The following PIGU variants were observed in gnomAD, a reference collection of about 807,000 sequenced individuals.
The protein encoded by PIGU is phosphatidylinositol glycan anchor biosynthesis class U, also known as GPI-anchor transamidase component PIGU.
In PIGU, 24 loss-of-function variants were observed where a neutral mutation model predicts 49.9. That is an observed-to-expected ratio of 0.48 (90% CI 0.35 to 0.68). PIGU has a LOEUF of 0.68. PIGU is among the 30% of genes least tolerant of loss of function. The pLI is 0.01. For synonymous variants in PIGU, 220 were observed against 205.7 expected (o/e 1.07, Z -0.59); for missense variants, 490 against 532.6 (o/e 0.92, Z 0.79).
chr20:34,561,079 C>T, intron 11 of PIGU, 100 bp from the exon 12 acceptor site: 1 of 777,168 alleles, frequency 1.3e-6, no homozygotes, highest in Non-Finnish European at 2.1e-6. Context: ...AGGAACGCCC[C>T]TGCCTGGCTC....
intron 1 of PIGU, among the ~76,000 whole-genome samples, chr20:34,676,301 G>C (rs1424148587): frequency 1.3e-5 from 2 of 152,144 alleles, no homozygotes; most frequent in African/African-American, 4.8e-5. Flanking sequence ...GAACTGGGTG[G>C]ACACATAAAG....
At chr20:34,668,461 CAAAAAAAA>C (rs1209882512) in intron 1 of PIGU, among the ~76,000 whole-genome samples, 1 of 21,276 alleles carries the variant, frequency 4.7e-5, no homozygotes, top group Non-Finnish European at 7.9e-5. Context: ...GACTCCGTCT[CAAAAAAAA>C]AAAAAAAAAA....
At chr20:34,566,219 T>A (rs554990446) in intron 11 of PIGU, among the ~76,000 whole-genome samples, 1 of 152,228 alleles carries the variant, frequency 6.6e-6, no homozygotes, top group Non-Finnish European at 1.5e-5. Flanking sequence ...TCTCTAACCC[T>A]GCATTGTTAC....
chr20:34,583,455 A>G (rs1983566952), intron 9 of PIGU, among the ~76,000 whole-genome samples: 1 of 152,236 alleles, frequency 6.6e-6, no homozygotes, highest in South Asian at 2.1e-4. Context: ...GTAGAGCTTC[A>G]TACCCAGGCA....
intron 1 of PIGU, 146 bp downstream of exon 1, chr20:34,676,810 G>C: frequency 6.3e-6 from 3 of 474,156 alleles, no homozygotes; most frequent in Non-Finnish European, 9.8e-6. Context: ...CCCGCCCTCA[G>C]GCCCCGCCCT....
At chr20:34,610,008 T>C (rs1236961902) in intron 7 of PIGU, among the ~76,000 whole-genome samples, 1 of 152,196 alleles carries the variant, frequency 6.6e-6, no homozygotes, top group East Asian at 1.9e-4. Context: ...CCTTCGGCTA[T>C]ATTTGTAAGT....
chr20:34,575,314 C>T lies in PIGU; in HGVS notation c.1052-68G>A, dbSNP rs536613908. The T allele has an allele frequency of 5.1e-3, 7,883 of 1,554,530 alleles. 33 individuals carry two copies. The highest frequency in any genetic ancestry group is 5.7e-3 in the Non-Finnish European group (6,511 of 1,143,784). On this transcript the variant is annotated intron_variant, in intron 10 of 11. Coordinates refer to ENST00000217446, the MANE Select transcript of PIGU (RefSeq NM_080476.5). ...TGGCATGCTTTCCCTGCTGCAATGG[C>T]CCCCCTGAATGGAGAGGCCCAAGGT... is the stretch of plus-strand genomic sequence containing the variant.
At chr20:34,668,880 T>A (rs1463858816) in intron 1 of PIGU, among the ~76,000 whole-genome samples, 5 of 124,508 alleles carry the variant, frequency 4.0e-5, no homozygotes, top group African/African-American at 1.6e-4. Context: ...TTTTTTTTTT[T>A]TTTTTTTTTT....
At chr20:34,674,627 TC>T (rs1987434006) in intron 1 of PIGU, among the ~76,000 whole-genome samples, 1 of 151,832 alleles carries the variant, frequency 6.6e-6, no homozygotes, top group Non-Finnish European at 1.5e-5. Flanking sequence ...TTCAAGGAGC[TC>T]ATAATATAGT....
intron 7 of PIGU, among the ~76,000 whole-genome samples, chr20:34,594,522 T>C (rs968799089): frequency 2.6e-5 from 4 of 152,210 alleles, no homozygotes; most frequent in Admixed American, 2.0e-4. Context: ...CTACCCTTCA[T>C]ATAAGAAAGG....
At chr20:34,669,640 C>T (rs1352769904) in intron 1 of PIGU, among the ~76,000 whole-genome samples, 1 of 147,808 alleles carries the variant, frequency 6.8e-6, no homozygotes, top group Non-Finnish European at 1.5e-5. Context: ...GCACTCCAGC[C>T]TGGGCAACAG....
At chr20:34,594,809 T>C (rs1198525071) in intron 7 of PIGU, among the ~76,000 whole-genome samples, 1 of 151,770 alleles carries the variant, frequency 6.6e-6, no homozygotes, top group African/African-American at 2.4e-5. Context: ...AATATACATA[T>C]AGGCTGGGCG....
intron 2 of PIGU, among the ~76,000 whole-genome samples, chr20:34,655,117 G>A (rs1303789618): frequency 8.4e-6 from 1 of 118,734 alleles, no homozygotes; most frequent in African/African-American, 3.1e-5. Flanking sequence ...GACCAGCCTG[G>A]GCAACATAGC....
intron 1 of PIGU, among the ~76,000 whole-genome samples, chr20:34,667,709 GA>G (rs1342406999): frequency 2.6e-5 from 4 of 152,082 alleles, no homozygotes; most frequent in Non-Finnish European, 5.9e-5. Context: ...GAGAGAAACA[GA>G]AAAGTCACCA....
intron 1 of PIGU, among the ~76,000 whole-genome samples, chr20:34,660,193 C>T (rs189449119): frequency 6.2e-4 from 94 of 152,112 alleles, no homozygotes; most frequent in African/African-American, 2.2e-3. Flanking sequence ...CACCACTTGG[C>T]GTACTCCATC....
At chr20:34,567,595 C>CAG (rs10627371) in intron 11 of PIGU, among the ~76,000 whole-genome samples, 128,595 of 151,942 alleles carry the variant, frequency 0.85, 54,626 homozygotes, top group Admixed American at 0.92. Flanking sequence ...CTCTTCCCAG[C>CAG]AGTGAGGTTT....
At chr20:34,652,077 G>A (rs978689876) in intron 2 of PIGU, among the ~76,000 whole-genome samples, 1 of 152,152 alleles carries the variant, frequency 6.6e-6, no homozygotes, top group African/African-American at 2.4e-5. Flanking sequence ...ATGGCTCACT[G>A]CAGCTTAGAC....
At chr20:34,621,591 G>A (rs983743333) in intron 6 of PIGU, among the ~76,000 whole-genome samples, 4 of 152,130 alleles carry the variant, frequency 2.6e-5, no homozygotes, top group Non-Finnish European at 5.9e-5. Context: ...GTGAGGGTGA[G>A]TATGGAGGCA....
chr20:34,631,815 T>G (rs2146757747), intron 6 of PIGU, among the ~76,000 whole-genome samples: 2 of 71,224 alleles, frequency 2.8e-5, no homozygotes, highest in South Asian at 5.0e-4. Flanking sequence ...TTTTTTTTTT[T>G]TAGTAGAGAC....
Sources: gnomAD v4.1 joint callset for allele counts (sites outside exome capture counted in the v4.1 genomes callset) on GRCh38, gnomAD v4.1.1 for gene constraint, MANE v1.5 for transcripts, NCBI Gene and HGNC (gene_info 2026-07-23, HGNC 2026-07-21) for gene names.